PARD3B: variants seen among roughly 807,000 people sequenced by gnomAD.
PARD3B encodes par-3 family cell polarity regulator beta.
In PARD3B, 103 loss-of-function variants were observed where a neutral mutation model predicts 130.2. That is an observed-to-expected ratio of 0.79 (90% CI 0.67 to 0.93). The LOEUF (loss-of-function observed/expected upper bound fraction) is 0.93, where lower values mean the gene tolerates loss of function less well. Ranked by LOEUF, PARD3B falls within the 40% of genes least tolerant of loss-of-function variation. PARD3B has a pLI of 0.00. For missense variants in PARD3B, 1,609 were observed against 1,499.2 expected (o/e 1.07, Z -1.21); for synonymous variants, 583 against 553.2 (o/e 1.05, Z -0.76).
intron 22 of PARD3B, among the ~76,000 whole-genome samples, chr2:205,577,248 A>T (rs577771247): frequency 6.9e-6 from 1 of 144,596 alleles, no homozygotes; most frequent in African/African-American, 2.5e-5. Flanking sequence ...CTGCAAATGA[A>T]GACAGTTTTT....
intron 22 of PARD3B, among the ~76,000 whole-genome samples, chr2:205,614,442 G>A (rs539029211): frequency 1.3e-5 from 2 of 152,174 alleles, no homozygotes; most frequent in East Asian, 1.9e-4. Context: ...AGTGGCTCAC[G>A]CCTGTAATCT....
intron 4 of PARD3B, among the ~76,000 whole-genome samples, chr2:205,094,909 C>T (rs1354466970): frequency 1.6e-4 from 25 of 152,138 alleles, no homozygotes; most frequent in African/African-American, 2.4e-5. Flanking sequence ...ATTATCCCAA[C>T]TTCCTTAAGT....
At chr2:205,029,699 T>C (rs1697291719) in intron 3 of PARD3B, among the ~76,000 whole-genome samples, 2 of 152,186 alleles carry the variant, frequency 1.3e-5, no homozygotes, top group South Asian at 2.1e-4. Flanking sequence ...TCAAGGACTA[T>C]GTCATAGTCA....
chr2:205,416,769 C>T (rs2046790644), intron 19 of PARD3B, among the ~76,000 whole-genome samples: 1 of 151,842 alleles, frequency 6.6e-6, no homozygotes, highest in Non-Finnish European at 1.5e-5. Flanking sequence ...ATGCTAAGGA[C>T]TCAAGGATTA....
intron 2 of PARD3B, among the ~76,000 whole-genome samples, chr2:204,779,439 C>T (rs988491133): frequency 3.3e-5 from 5 of 152,114 alleles, no homozygotes; most frequent in African/African-American, 1.2e-4. Flanking sequence ...TACTCACTAG[C>T]CATCACGTAT....
At chr2:204,754,634 A>G (rs767451172) in intron 2 of PARD3B, among the ~76,000 whole-genome samples, 1 of 152,208 alleles carries the variant, frequency 6.6e-6, no homozygotes, top group Non-Finnish European at 1.5e-5. Flanking sequence ...AATGTTTGCA[A>G]TATCAGGAAT....
intron 18 of PARD3B, among the ~76,000 whole-genome samples, chr2:205,353,211 C>T (rs1368695384): frequency 3.3e-5 from 5 of 152,172 alleles, no homozygotes; most frequent in Non-Finnish European, 5.9e-5. Flanking sequence ...TGCAAATATG[C>T]TCCTAGACAA....
At position 204,675,473 on chromosome 2, in the gene PARD3B, G is replaced by T. The variant is rs151014023; in HGVS notation, c.121-10708G>T. Among the ~76,000 whole-genome samples the T allele has an allele frequency of 7.2e-5, 11 of 152,008 alleles. No homozygotes were observed. The highest frequency in any genetic ancestry group is 2.7e-4 in the African/African-American group (11 of 41,500). ...AGTGAGCCTTTAACTCACTCCTAGA[G>T]CTGTAGGAAAATGAAATTTCTATAT... On this transcript the variant is annotated intron_variant, in intron 1 of 22. Coordinates refer to ENST00000406610, the MANE Select transcript of PARD3B (RefSeq NM_001302769.2). The surrounding 1 kb of genome is among the most constrained non-coding windows in gnomAD (Gnocchi z 4.4).
At chr2:205,297,466 C>T (rs1246199534) in intron 16 of PARD3B, among the ~76,000 whole-genome samples, 1 of 152,074 alleles carries the variant, frequency 6.6e-6, no homozygotes, top group Non-Finnish European at 1.5e-5. Flanking sequence ...TATTTTATTC[C>T]AAGTGTTTTG....
intron 1 of PARD3B, among the ~76,000 whole-genome samples, chr2:204,588,506 T>C (rs1349303851): frequency 6.6e-6 from 1 of 152,196 alleles, no homozygotes; most frequent in Non-Finnish European, 1.5e-5. Flanking sequence ...AATATTTCCA[T>C]TGGGCTTTTG....
intron 2 of PARD3B, among the ~76,000 whole-genome samples, chr2:204,826,330 C>T (rs1211141285): frequency 1.3e-5 from 2 of 152,120 alleles, no homozygotes; most frequent in Non-Finnish European, 2.9e-5. Flanking sequence ...GAACTATTGA[C>T]TCAGGATAGG....
chr2:205,277,568 A>G (rs1258039499), intron 16 of PARD3B, among the ~76,000 whole-genome samples: 2 of 152,168 alleles, frequency 1.3e-5, no homozygotes, highest in Non-Finnish European at 2.9e-5. Flanking sequence ...GGTAGAAGTG[A>G]TGTCTAAAAA....
intron 3 of PARD3B, among the ~76,000 whole-genome samples, chr2:204,991,800 T>C (rs1693709763): frequency 6.6e-6 from 1 of 151,662 alleles, no homozygotes; most frequent in South Asian, 2.1e-4. Flanking sequence ...CTCATAGTGG[T>C]TTTGATTTGC....
At chr2:205,521,403 A>C (rs966648882) in intron 21 of PARD3B, among the ~76,000 whole-genome samples, 1 of 151,998 alleles carries the variant, frequency 6.6e-6, no homozygotes, top group Non-Finnish European at 1.5e-5. Flanking sequence ...GTCAAATTTC[A>C]TTCAGGGTTT....
intron 2 of PARD3B, among the ~76,000 whole-genome samples, chr2:204,863,869 CACATCT>C (rs2045309861): frequency 6.6e-6 from 1 of 152,138 alleles, no homozygotes; most frequent in African/African-American, 2.4e-5. Context: ...CTTTTCAGAA[CACATCT>C]ACAAGAGCAA....
intron 19 of PARD3B, among the ~76,000 whole-genome samples, chr2:205,426,011 T>A (rs1354634335): frequency 6.6e-6 from 1 of 152,254 alleles, no homozygotes; most frequent in East Asian, 1.9e-4. Flanking sequence ...TTTATTTATA[T>A]CAAGAAAAGT....
At chr2:204,929,271 C>A (rs1687851625) in intron 2 of PARD3B, among the ~76,000 whole-genome samples, 1 of 152,114 alleles carries the variant, frequency 6.6e-6, no homozygotes, top group Non-Finnish European at 1.5e-5. Flanking sequence ...GTGTTCACTG[C>A]TAGTTGAATA....
rs115593798 is a variant in PARD3B at position 205,588,837 on chromosome 2, C to T, written c.3261-26619C>T. On this transcript the variant is annotated intron_variant, in intron 22 of 22. Transcript: ENST00000406610. ...TTAGGAAATCTTCCATTGCTATGGC[C>T]CTTGCTGTTCCCTGGCAAACTCCAA... 4.1e-3 allele frequency among the ~76,000 whole-genome samples: 620 copies of T among 152,330 alleles called. 5 individuals carry two copies. Among genetic ancestry groups the T allele is most frequent in the African/African-American group, 0.014 (592 of 41,560 alleles).
intron 2 of PARD3B, among the ~76,000 whole-genome samples, chr2:204,788,003 A>G (rs1026476584): frequency 6.6e-6 from 1 of 152,094 alleles, no homozygotes; most frequent in Non-Finnish European, 1.5e-5. Context: ...TAGATGTTTA[A>G]TCCATGTTTT....
Sources: gnomAD v4.1 joint callset for allele counts (sites outside exome capture counted in the v4.1 genomes callset) on GRCh38, gnomAD v4.1.1 for gene constraint, Gnocchi (gnomAD v3.1) non-coding constraint, MANE v1.5 for transcripts, NCBI Gene and HGNC (gene_info 2026-07-23, HGNC 2026-07-21) for gene names.